Variants in MRM2 observed in about 807,000 individuals in gnomAD.
MRM2 encodes the protein mitochondrial rRNA methyltransferase 2.
A neutral mutation model predicts 10.9 loss-of-function variants in MRM2; 15 were observed. The observed-to-expected ratio is 1.37, with a 90% CI of 0.92 to 2.11. The LOEUF (loss-of-function observed/expected upper bound fraction) is 2.11. Ranked by LOEUF, MRM2 falls within the 30% of genes most tolerant of loss-of-function variation. The pLI is 0.00. For missense variants in MRM2, 328 were observed against 321.3 expected (o/e 1.02, Z -0.16); for synonymous variants, 139 against 128.7 (o/e 1.08, Z -0.54).
intron 2 of MRM2, among the ~76,000 whole-genome samples, chr7:2,237,847 C>T (rs190697735): frequency 7.0e-6 from 1 of 143,740 alleles, no homozygotes; most frequent in East Asian, 2.1e-4. Context: ...GCCGAGATGG[C>T]GCCATTGCAC....
rs530447619 is a variant in MRM2, at chr7:2,235,720, T to C, written c.299-156A>G. Among the ~76,000 whole-genome samples, 197 of 152,326 alleles carry C rather than the reference T, an allele frequency of 1.3e-3. 1 individual carries two copies. Among genetic ancestry groups the C allele is most frequent in the African/African-American group, 4.5e-3 (186 of 41,572 alleles). On this transcript the variant is annotated intron_variant, in intron 2 of 2. Coordinates refer to ENST00000242257, the MANE Select transcript of MRM2 (RefSeq NM_013393.3). The stretch of plus-strand genomic sequence containing the variant: ...GGTAAACACAGGCCTTCTCTATCTA[T>C]ACATCCTATAAAGACACATGGTGGA...
intron 2 of MRM2, among the ~76,000 whole-genome samples, chr7:2,235,863 G>C (rs1445254105): frequency 6.6e-6 from 1 of 152,188 alleles, no homozygotes; most frequent in Non-Finnish European, 1.5e-5. Flanking sequence ...TCCAAATCTG[G>C]TATCATTTCA....
chr7:2,239,531 T>C lies in MRM2; in HGVS notation c.185A>G (p.Glu62Gly), dbSNP rs139072008. 44 of 1,613,888 alleles carry C rather than the reference T, an allele frequency of 2.7e-5. No individual in the cohort carries two copies. In the African/African-American group the frequency reaches 5.1e-4, roughly 19 times the overall value. The change falls in exon 2 of 3, where the codon GAG becomes GGG. Residue 62 changes from glutamate (E) to glycine (G), a missense_variant. Glu to Gly is a moderately conservative substitution (Grantham distance 98). Coordinates refer to ENST00000242257, the MANE Select transcript of MRM2 (RefSeq NM_013393.3). ...YRCRSAFKLL[E>G]VNERHQILRP... ...CAGAATCTGGTGCCTCTCGTTCACC[T>C]CCAGGAGCTTGAAGGCGCTTCGACA...
chr7:2,235,632 G>A, intron 2 of MRM2, 68 bp from the exon 3 acceptor site: 1 of 1,063,084 alleles, frequency 9.4e-7, no homozygotes, highest in Non-Finnish European at 1.4e-6. Flanking sequence ...TACAGTACAT[G>A]CAACAAAGTG....
chr7:2,236,809 C>T (rs1009542060), intron 2 of MRM2, among the ~76,000 whole-genome samples: 2 of 152,056 alleles, frequency 1.3e-5, no homozygotes, highest in Admixed American at 6.5e-5. Flanking sequence ...AACAGAACTA[C>T]GGCCCTCCTC....
At chr7:2,239,102 A>G in intron 2 of MRM2, 1 of 764,330 alleles carries the variant, frequency 1.3e-6, no homozygotes, top group Non-Finnish European at 2.5e-6. Context: ...AGTATGGCAC[A>G]ACATCGCTTT....
chr7:2,234,337 A>C lies in MRM2; in HGVS notation c.*785T>G, dbSNP rs1427397473. 6.6e-6 allele frequency: 1 copy of C among 152,244 alleles called. No homozygotes were observed. The highest frequency in any genetic ancestry group is 1.5e-5 in the Non-Finnish European group (1 of 68,054). 9.4% of individuals were successfully genotyped at this position (152,244 alleles called of 1,614,324 possible). A position where few individuals can be genotyped will look rare whatever the true frequency, so the allele number is the denominator to read the frequency against. ...TGTTCTTGGGAGCCCAGACACTGAT[A>C]TAAATTTCCAGCAAAAACCAAAGCA... On this transcript the variant is annotated 3_prime_UTR_variant, in exon 3 of 3. Coordinates refer to ENST00000242257, the MANE Select transcript of MRM2 (RefSeq NM_013393.3).
Position 2,235,566 on chromosome 7 carries a change from T to C in MRM2, c.299-2A>G, listed in dbSNP as rs765746112. ...CGAAGCCAACAGGAGAGCTGGGATC[T>C]ATGGAAGAAATGGTGAATGTGTTAT... On this transcript the variant is annotated splice_acceptor_variant, in intron 2 of 2. Transcript: ENST00000242257. LOFTEE classifies it high-confidence loss of function. The C allele has an allele frequency of 1.1e-5, 17 of 1,594,744 alleles. No individual in the cohort carries two copies. Among genetic ancestry groups the C allele is most frequent in the Non-Finnish European group, 1.5e-5 (17 of 1,167,406 alleles).
intron 1 of MRM2, among the ~76,000 whole-genome samples, chr7:2,241,139 C>A (rs980429793): frequency 6.6e-5 from 10 of 151,928 alleles, no homozygotes; most frequent in Non-Finnish European, 1.3e-4. Context: ...GTAGCTGAGA[C>A]TACAGGTGTG....
rs1316451672 is a variant in MRM2, at chr7:2,241,570, G to A, written c.8+592C>T. 2.0e-5 allele frequency among the ~76,000 whole-genome samples: 3 copies of A among 152,106 alleles called. No homozygotes were observed. The East Asian group carries it at 5.8e-4, about 29-fold the overall frequency. On this transcript the variant is annotated intron_variant, in intron 1 of 2. Transcript: ENST00000242257. ...TCCTGCCTCAGACTTCCAAAGTGCT[G>A]GGATGACAGGTGTGGGCCACCAAGC...
chr7:2,239,289 C>G (rs1794476920), intron 2 of MRM2, 129 bp downstream of exon 2: 1 of 924,036 alleles, frequency 1.1e-6, no homozygotes, highest in Non-Finnish European at 1.8e-6. Flanking sequence ...ATTGCTAAAC[C>G]ACCCACTCGG....
At position 2,234,971 on chromosome 7, in the gene MRM2, GAGAGAGAGAGAA is replaced by G; in HGVS notation, c.*139_*150del. The G allele has an allele frequency of 1.8e-6, 1 of 569,158 alleles. No homozygotes were observed. Among genetic ancestry groups the G allele is most frequent in the Non-Finnish European group, 3.1e-6 (1 of 324,162 alleles). The allele number at this position is 569,158 out of a possible 1,614,324, so 35.3% of individuals were successfully genotyped here. On this transcript the variant is annotated 3_prime_UTR_variant, in exon 3 of 3. Coordinates refer to ENST00000242257, the MANE Select transcript of MRM2 (RefSeq NM_013393.3). ...TTTGTCATCTCTTTTTGGTTAAAAA[GAGAGAGAGAGAA>G]AGAGAGAGAGAGACTCCCCACTTGT...
At chr7:2,237,150 G>C (rs1195684328) in intron 2 of MRM2, among the ~76,000 whole-genome samples, 6 of 152,144 alleles carry the variant, frequency 3.9e-5, no homozygotes, top group African/African-American at 1.2e-4. Flanking sequence ...AGGACCACAG[G>C]AACATGCCAC....
At position 2,239,560 on chromosome 7, in the gene MRM2, G is replaced by GT; in HGVS notation, c.155dup (p.Tyr52Ter). Residue 52 changes from tyrosine to a stop codon, truncating the protein, a stop_gained and frameshift_variant, in exon 2 of 3, where the codon TAC becomes TAAC. Transcript: ENST00000242257. LOFTEE classifies it high-confidence loss of function. Reference protein sequence around the residue: ...PFVKAAKVESYRCRSAFKLLE... With the variant: ...PFVKAAKVES ...GGAGCTTGAAGGCGCTTCGACACCG[G>GT]TAACTCTCCACCTTCGCAGCCTTCA... 6.2e-7 allele frequency: 1 copy of GT among 1,614,036 alleles called. No individual in the cohort carries two copies. The highest frequency in any genetic ancestry group is 8.5e-7 in the Non-Finnish European group (1 of 1,180,008).
chr7:2,235,517 T>C lies in MRM2; in HGVS notation c.346A>G (p.Ile116Val), dbSNP rs1186204981. Residue 116 changes from isoleucine to valine, a missense_variant, in exon 3 of 3, where the codon ATA becomes GTA. Coordinates refer to ENST00000242257, the MANE Select transcript of MRM2 (RefSeq NM_013393.3). ...GFVLGVDLLHIFPLEGATFLC... is the reference protein window; with the variant it reads ...GFVLGVDLLHVFPLEGATFLC... Reference sequence around the variant, plus strand: ...AAAGTTGCTCCTTCCAGGGGGAATATGTGAAGAAGATCTACCCCAAGCACG... The same window carrying C: ...AAAGTTGCTCCTTCCAGGGGGAATACGTGAAGAAGATCTACCCCAAGCACG... The C allele has an allele frequency of 6.2e-7, 1 of 1,613,470 alleles. No homozygotes were observed. Among genetic ancestry groups the C allele is most frequent in the Non-Finnish European group, 8.5e-7 (1 of 1,179,926 alleles).
chr7:2,236,506 T>C (rs1794421699), intron 2 of MRM2, among the ~76,000 whole-genome samples: 1 of 152,096 alleles, frequency 6.6e-6, no homozygotes, highest in Non-Finnish European at 1.5e-5. Flanking sequence ...CTGGGCAACA[T>C]AGCAAGATCC....
chr7:2,237,490 C>T (rs1231684168), intron 2 of MRM2, among the ~76,000 whole-genome samples: 1 of 152,210 alleles, frequency 6.6e-6, no homozygotes. Flanking sequence ...GGCCACTCTC[C>T]TGCTTCATCT....
At chr7:2,239,353 A>G in intron 2 of MRM2, 65 bp downstream of exon 2, 1 of 1,508,526 alleles carries the variant, frequency 6.6e-7, no homozygotes, top group Non-Finnish European at 9.1e-7. Context: ...TGGCAAAGGC[A>G]GCTTGCCCAT....
rs1794396872 is a variant in MRM2, at chr7:2,235,229, A to AT, written c.633dup (p.Phe212IlefsTer10). ...GGTTTGATGATCCTTACATTCTGGA[A>AT]TTCCTCTGTCAGTCTCCTCTGTAAC... On this transcript the variant is annotated frameshift_variant, in exon 3 of 3. Coordinates refer to ENST00000242257, the MANE Select transcript of MRM2 (RefSeq NM_013393.3). LOFTEE classifies it low-confidence loss of function (END_TRUNC). 3 of 1,613,948 alleles carry AT rather than the reference A, an allele frequency of 1.9e-6. No homozygotes were observed. In the African/African-American group the frequency reaches 4.0e-5, roughly 22 times the overall value.
Sources: gnomAD v4.1 joint callset for allele counts (sites outside exome capture counted in the v4.1 genomes callset) on GRCh38, gnomAD v4.1.1 for gene constraint, MANE v1.5 for transcripts, NCBI Gene and HGNC (gene_info 2026-07-23, HGNC 2026-07-21) for gene names.